SHC1: variants seen among roughly 807,000 people sequenced by gnomAD.
SHC1 encodes the protein SHC adaptor protein 1.
In SHC1, 30 loss-of-function variants were observed where a neutral mutation model predicts 55.9. That is an observed-to-expected ratio of 0.54 (90% CI 0.40 to 0.73). The LOEUF (loss-of-function observed/expected upper bound fraction) is 0.73, where lower values mean the gene tolerates loss of function less well. Among genes scored for constraint, SHC1 ranks in the 30% least tolerant of loss-of-function variants. The pLI is 0.00. For synonymous variants in SHC1, 309 were observed against 306.1 expected, an observed-to-expected ratio of 1.01 and a Z score of -0.10; for missense variants, 675 against 777.1, an observed-to-expected ratio of 0.87 and a Z score of 1.56.
In SHC1 at chr1:154,968,671, CT is replaced by C; in HGVS notation, c.631-58del. The C allele has an allele frequency of 5.0e-6, 8 of 1,612,080 alleles. No homozygotes were observed. The South Asian group carries it at 8.8e-5, about 18-fold the overall frequency. On this transcript the variant is annotated intron_variant, in intron 3 of 11. Transcript: ENST00000448116. The stretch of plus-strand genomic sequence containing the variant: ...GGGTTCCCAGCACAGGCAAACCACA[CT>C]TTTGCCTCCTGGCCCTCTCCCCACA...
Position 154,970,561 on chromosome 1 carries a change from G to GC in SHC1, c.-36dup. On this transcript the variant is annotated 5_prime_UTR_variant, in exon 1 of 12. Coordinates refer to ENST00000448116, the MANE Select transcript of SHC1 (RefSeq NM_001130040.2). This position sits in a 1 kb window ranked among gnomAD's most constrained non-coding sequence, Gnocchi z 5.5. The stretch of plus-strand genomic sequence containing the variant: ...GAAAGAGGGGCTGCTGCCCAGCCTG[G>GC]CCCCCCTGCCAGTTTGGGCAAGGGG... The GC allele has an allele frequency of 6.5e-7, 1 of 1,541,898 alleles. No homozygotes were observed. Among genetic ancestry groups the GC allele is most frequent in the South Asian group, 1.3e-5 (1 of 79,878 alleles).
rs1655579146 is a variant in SHC1 at position 154,963,843 on chromosome 1, C to T, written c.1715G>A (p.Ser572Asn). ...DNHLPIISAG[S>N]ELCLQQPVER... The stretch of plus-strand genomic sequence containing the variant: ...CACAGGTTGCTGTAGACACAGTTCG[C>T]TGCCCGCAGAGATGATGGGCAAGTG... Residue 572 changes from serine to asparagine, a missense_variant, in exon 12 of 12, where the codon AGC becomes AAC. By Grantham distance (46) the Ser-to-Asn change is conservative. Transcript: ENST00000448116. The T allele has an allele frequency of 6.2e-7, 1 of 1,614,048 alleles. No homozygotes were observed. Among genetic ancestry groups the T allele is most frequent in the Non-Finnish European group, 8.5e-7 (1 of 1,180,010 alleles).
In SHC1 at chr1:154,968,530, T is replaced by C. The variant is rs201811091; in HGVS notation, c.715A>G (p.Ser239Gly). The C allele has an allele frequency of 1.1e-5, 17 of 1,614,150 alleles. No individual in the cohort carries two copies. The East Asian group carries it at 3.6e-4, about 34-fold the overall frequency. Residue 239 changes from serine (S) to glycine (G), a missense_variant, in exon 4 of 12, where the codon AGC (serine) becomes GGC (glycine). Physicochemically the swap from Ser to Gly is moderately conservative, Grantham distance 56. This residue lies in a region of SHC1 where 159 missense variants were observed against 246.9 expected (regional missense o/e 0.64). Transcript: ENST00000448116. Reference protein sequence around the residue: ...GMPITLTVSTSSLNLMAADCK... With the variant: ...GMPITLTVSTGSLNLMAADCK... ...TCTGCGGCCATGAGGTTGAGGCTGC[T>C]GGTGGAGACGGTGAGAGTGATTGGC...
rs556734828 is a variant in SHC1, at chr1:154,965,696, A to G, written c.1473T>C (p.His491=). Residue 491 remains histidine, a synonymous_variant, in exon 11 of 12, where the codon CAT becomes CAC. Transcript: ENST00000448116. ...CAGCCTCCCGCCGGCTCAGCTTCCC[A>G]TGGAACCAGGGCTCCCCTCGGAGCT... ...AEQLRGEPWF[H]GKLSRREAEA... 2 of 1,614,116 alleles carry G rather than the reference A, an allele frequency of 1.2e-6. No individual in the cohort carries two copies. Among genetic ancestry groups the G allele is most frequent in the African/African-American group, 1.3e-5 (1 of 75,012 alleles).
rs764804540 is a variant in SHC1 at position 154,968,479 on chromosome 1, G to A, written c.750+16C>T. 6.2e-7 allele frequency: 1 copy of A among 1,613,910 alleles called. No individual in the cohort carries two copies. Among genetic ancestry groups the A allele is most frequent in the South Asian group, 1.1e-5 (1 of 91,070 alleles). On this transcript the variant is annotated intron_variant, in intron 4 of 11. Transcript: ENST00000448116. The stretch of plus-strand genomic sequence containing the variant: ...CCCCATCAGTGTTTCTGGTCCGTCT[G>A]CCCACCTTCACCAACCTGTTTGCAG...
At chr1:154,971,124 G>A (rs1224587128), upstream of SHC1, among the ~76,000 whole-genome samples, 3 of 152,086 alleles carry the variant, frequency 2.0e-5, no homozygotes, top group Non-Finnish European at 4.4e-5. Flanking sequence ...GGGTGGAAAA[G>A]GGAGGAGATC....
chr1:154,968,183 T>C, intron 5 of SHC1, 21 bp downstream of exon 5: 2 of 1,613,140 alleles, frequency 1.2e-6, no homozygotes, highest in Non-Finnish European at 1.7e-6. Context: ...CCCACCGCCT[T>C]TGCTCTGTTC....
chr1:154,962,722 T>C lies in SHC1; in HGVS notation c.*1081A>G, dbSNP rs1421082712. On this transcript the variant is annotated 3_prime_UTR_variant, in exon 12 of 12. Coordinates refer to ENST00000448116, the MANE Select transcript of SHC1 (RefSeq NM_001130040.2). ...GGGCTTGGAAAAGTCAAAAAGGTGA[T>C]GTATAAATGTAATAATTGATTATCA... 1 of 152,730 alleles carries C rather than the reference T, an allele frequency of 6.5e-6. No homozygotes were observed. The highest frequency in any genetic ancestry group is 2.4e-5 in the African/African-American group (1 of 41,434). 9.5% of individuals were successfully genotyped at this position (152,730 alleles called of 1,614,324 possible).
At position 154,967,739 on chromosome 1, in the gene SHC1, G is replaced by C; in HGVS notation, c.915C>G (p.Gly305=). 2 of 1,614,054 alleles carry C rather than the reference G, an allele frequency of 1.2e-6. No individual in the cohort carries two copies. The highest frequency in any genetic ancestry group is 1.7e-6 in the Non-Finnish European group (2 of 1,179,992). ...GLAQDVISTI[G]QAFELRFKQY... ...GTTTGAAGCGCAACTCGAAGGCCTG[G>C]CCAATGGTGCTGATGACATCCTGGG... is the stretch of plus-strand genomic sequence containing the variant. The change falls in exon 7 of 12, where the codon GGC becomes GGG. Residue 305 remains glycine, a synonymous_variant. Transcript: ENST00000448116.
intron 11 of SHC1, among the ~76,000 whole-genome samples, chr1:154,964,977 T>C (rs1229568804): frequency 3.3e-5 from 5 of 152,252 alleles, no homozygotes; most frequent in African/African-American, 4.8e-5. Flanking sequence ...ATGAGATGAC[T>C]GCCTTCTAGC....
upstream of SHC1, among the ~76,000 whole-genome samples, chr1:154,971,969 C>A (rs553051354): frequency 6.6e-6 from 1 of 152,156 alleles, no homozygotes; most frequent in African/African-American, 2.4e-5. Flanking sequence ...GTATTCCTAC[C>A]GGGCGCGGTG....
chr1:154,969,455 G>A lies in SHC1; in HGVS notation c.496-7C>T. The A allele has an allele frequency of 6.2e-7, 1 of 1,606,262 alleles. No homozygotes were observed. ...CCTCCACACAACCCATGTACTAAGGGGAGGGAGAAGAGGACAGCAGGTCAG... is the reference window on the plus strand; with the variant it reads ...CCTCCACACAACCCATGTACTAAGGAGAGGGAGAAGAGGACAGCAGGTCAG... On this transcript the variant is annotated splice_polypyrimidine_tract_variant and splice_region_variant and intron_variant, in intron 1 of 11. Transcript: ENST00000448116.
chr1:154,969,393 C>T lies in SHC1; in HGVS notation c.551G>A (p.Arg184Gln), dbSNP rs746557421. 6.2e-7 allele frequency: 1 copy of T among 1,610,822 alleles called. No individual in the cohort carries two copies. Among genetic ancestry groups the T allele is most frequent in the South Asian group, 1.1e-5 (1 of 90,446 alleles). ...QSMRALDFNT[R>Q]TQVTREAISL... Reference sequence around the variant, plus strand: ...CCCCACTAACCTGGTGACCTGAGTCCGGGTGTTGAAGTCCAGGGCACGCAT... The same window carrying T: ...CCCCACTAACCTGGTGACCTGAGTCTGGGTGTTGAAGTCCAGGGCACGCAT... The change falls in exon 2 of 12, where the codon CGG becomes CAG. Residue 184 changes from arginine (R) to glutamine (Q), a missense_variant. By Grantham distance (43) the Arg-to-Gln change is conservative. Around this residue, in one of 3 missense-constraint regions of SHC1, gnomAD observed 159 missense variants for 246.9 expected, o/e 0.64. Coordinates refer to ENST00000448116, the MANE Select transcript of SHC1 (RefSeq NM_001130040.2).
At chr1:154,967,591 T>G (rs754528219) in intron 7 of SHC1, 80 bp downstream of exon 7, 94 of 1,491,740 alleles carry the variant, frequency 6.3e-5, no homozygotes, top group Middle Eastern at 1.9e-4. Context: ...CCTGAACCTC[T>G]CAACTCAAGT....
chr1:154,970,291 C>G lies in SHC1; in HGVS notation c.236G>C (p.Gly79Ala), dbSNP rs755748823. ...RLANPAGGRPGSKGEPGRAAD... is the reference protein window; with the variant it reads ...RLANPAGGRPASKGEPGRAAD... ...TGCCCTTCCTGGCTCCCCCTTAGAC[C>G]CTGGGCGCCCCCCAGCCGGGTTGGC... Residue 79 changes from glycine (G) to alanine (A), a missense_variant, in exon 1 of 12, where the codon GGG (glycine) becomes GCG (alanine). Gly to Ala is a moderately conservative substitution (Grantham distance 60). This residue lies in a region of SHC1 where 156 missense variants were observed against 159.1 expected (regional missense o/e 0.98). Transcript: ENST00000448116. The surrounding 1 kb of genome is among the most constrained non-coding windows in gnomAD (Gnocchi z 5.5). 3 of 1,604,970 alleles carry G rather than the reference C, an allele frequency of 1.9e-6. No homozygotes were observed. Among genetic ancestry groups the G allele is most frequent in the African/African-American group, 2.7e-5 (2 of 74,824 alleles).
chr1:154,970,233 G>T lies in SHC1; in HGVS notation c.294C>A (p.Ala98=), dbSNP rs768927669. ...ADDGEGIVGA[A]MPDSGPLPLL... is the part of the protein sequence containing the mutation. ...GGGGTAGGGGGCCTGAGTCTGGCAT[G>T]GCTGCCCCTACGATCCCCTCCCCAT... is the stretch of plus-strand genomic sequence containing the variant. The change falls in exon 1 of 12, where the codon GCC becomes GCA. Residue 98 remains alanine (A), a synonymous_variant. Coordinates refer to ENST00000448116, the MANE Select transcript of SHC1 (RefSeq NM_001130040.2). This position sits in a 1 kb window ranked among gnomAD's most constrained non-coding sequence, Gnocchi z 5.5. 2 of 1,613,124 alleles carry T rather than the reference G, an allele frequency of 1.2e-6. No homozygotes were observed. Among genetic ancestry groups the T allele is most frequent in the African/African-American group, 2.7e-5 (2 of 74,936 alleles).
Position 154,968,018 on chromosome 1 carries a change from T to C in SHC1, c.818A>G (p.Tyr273Cys). 6.2e-7 allele frequency: 1 copy of C among 1,614,174 alleles called. No homozygotes were observed. The highest frequency in any genetic ancestry group is 2.2e-5 in the East Asian group (1 of 44,886). The change falls in exon 6 of 12, where the codon TAT becomes TGT. Residue 273 changes from tyrosine to cysteine, a missense_variant. Coordinates refer to ENST00000448116, the MANE Select transcript of SHC1 (RefSeq NM_001130040.2). ...AGGGTCTTTGGCAACATAGGCGACATACTCGGCTGTGTCCTGGGGAGGAAG... is the reference window on the plus strand; with the variant it reads ...AGGGTCTTTGGCAACATAGGCGACACACTCGGCTGTGTCCTGGGGAGGAAG... ...ASGGDPDTAE[Y>C]VAYVAKDPVN...
chr1:154,963,967 G>T, intron 11 of SHC1, 36 bp from the exon 12 acceptor site: 1 of 1,612,524 alleles, frequency 6.2e-7, no homozygotes, highest in Non-Finnish European at 8.5e-7. Context: ...CAATTCAGGT[G>T]AAGAGTCAAA....
chr1:154,973,849 T>C (rs1656990555), upstream of SHC1, among the ~76,000 whole-genome samples: 1 of 152,162 alleles, frequency 6.6e-6, no homozygotes, highest in Non-Finnish European at 1.5e-5. Context: ...GGGCGTGGCT[T>C]CGGAGGGGCG....
Sources: allele counts gnomAD v4.1 joint callset (sites outside exome capture counted in the v4.1 genomes callset), GRCh38; gene constraint gnomAD v4.1.1; regional missense constraint gnomAD v4.1.1; non-coding constraint Gnocchi (gnomAD v3.1); transcripts MANE v1.5; gene names NCBI Gene and HGNC (gene_info 2026-07-23, HGNC 2026-07-21).